PDGFC: variants seen among roughly 807,000 people sequenced by gnomAD.
PDGFC encodes the protein platelet derived growth factor C.
PDGFC carries 12 observed loss-of-function variants against 35.5 expected under a neutral mutation model. That is an observed-to-expected ratio of 0.34 (90% confidence interval 0.22 to 0.55). The LOEUF is 0.55. Among genes scored for constraint, PDGFC ranks in the 20% least tolerant of loss-of-function variants. The pLI, the probability that PDGFC is intolerant of heterozygous loss-of-function variation, is 0.91. For missense variants in PDGFC, 322 were observed against 412.4 expected, an observed-to-expected ratio of 0.78 and a Z score of 1.90; for synonymous variants, 159 against 148.8, an observed-to-expected ratio of 1.07 and a Z score of -0.50.
chr4:156,932,912 G>A, intron 1 of PDGFC, among the ~76,000 whole-genome samples: 1 of 151,478 alleles, frequency 6.6e-6, no homozygotes, highest in East Asian at 1.9e-4. Context: ...AAAAAAAGAA[G>A]TTTCTAACAC....
intron 3 of PDGFC, among the ~76,000 whole-genome samples, chr4:156,806,489 T>G (rs1731774788): frequency 6.6e-6 from 1 of 152,046 alleles, no homozygotes; most frequent in Admixed American, 6.6e-5. Flanking sequence ...TCATTTTTCA[T>G]AATGTTAACC....
At chr4:156,823,268 G>A (rs1190791692) in intron 2 of PDGFC, among the ~76,000 whole-genome samples, 5 of 152,050 alleles carry the variant, frequency 3.3e-5, no homozygotes, top group Admixed American at 2.0e-4. Context: ...AAAATAAAAT[G>A]TGACTATTCA....
chr4:156,786,292 T>A (rs1411409307), intron 3 of PDGFC, among the ~76,000 whole-genome samples: 1 of 152,162 alleles, frequency 6.6e-6, no homozygotes, highest in South Asian at 2.1e-4. Flanking sequence ...ACATAAATAA[T>A]GCACATACAA....
chr4:156,828,974 A>G (rs1472931588), intron 2 of PDGFC, among the ~76,000 whole-genome samples: 1 of 152,206 alleles, frequency 6.6e-6, no homozygotes, highest in Non-Finnish European at 1.5e-5. Context: ...TTCTGTGGAA[A>G]CTAAACTATT....
At chr4:156,810,062 A>C (rs1731889299) in intron 3 of PDGFC, among the ~76,000 whole-genome samples, 1 of 151,926 alleles carries the variant, frequency 6.6e-6, no homozygotes, top group Admixed American at 6.6e-5. Context: ...GATACTGTAA[A>C]AGTATACTAA....
chr4:156,916,340 T>C (rs550554562), intron 1 of PDGFC, among the ~76,000 whole-genome samples: 1 of 152,308 alleles, frequency 6.6e-6, no homozygotes, highest in East Asian at 1.9e-4. Context: ...ATTAGTTGTT[T>C]ATGTCCCTCA....
chr4:156,906,157 T>G (rs1036440803), intron 1 of PDGFC, among the ~76,000 whole-genome samples: 3 of 152,156 alleles, frequency 2.0e-5, no homozygotes, highest in African/African-American at 7.2e-5. Flanking sequence ...AAGAATATTT[T>G]AAAAACAAGA....
chr4:156,934,869 C>T (rs758782308), intron 1 of PDGFC, among the ~76,000 whole-genome samples: 4 of 152,178 alleles, frequency 2.6e-5, no homozygotes, highest in Non-Finnish European at 5.9e-5. Flanking sequence ...TATTTTATCC[C>T]ACTGGAAGGT....
chr4:156,770,824 T>C (rs753479054), intron 4 of PDGFC, among the ~76,000 whole-genome samples: 7 of 152,186 alleles, frequency 4.6e-5, no homozygotes, highest in African/African-American at 7.2e-5. Context: ...AGTCCAAAGA[T>C]AGTCTATTAC....
chr4:156,927,870 A>G (rs543841626), intron 1 of PDGFC, among the ~76,000 whole-genome samples: 67 of 152,084 alleles, frequency 4.4e-4, no homozygotes, highest in Admixed American at 1.9e-3. Flanking sequence ...CCAATTTACT[A>G]TATTAGTCCA....
At chr4:156,931,700 T>C (rs981722967) in intron 1 of PDGFC, among the ~76,000 whole-genome samples, 5 of 152,310 alleles carry the variant, frequency 3.3e-5, no homozygotes, top group African/African-American at 1.2e-4. Flanking sequence ...CCCAGACATT[T>C]GCTATGTTAA....
chr4:156,914,491 C>T (rs1009710533), intron 1 of PDGFC, among the ~76,000 whole-genome samples: 1 of 152,200 alleles, frequency 6.6e-6, no homozygotes, highest in Non-Finnish European at 1.5e-5. Context: ...GTTACTTATA[C>T]TCCCTGGACT....
chr4:156,795,515 T>C (rs182921341), intron 3 of PDGFC, among the ~76,000 whole-genome samples: 19 of 151,794 alleles, frequency 1.3e-4, no homozygotes, highest in African/African-American at 3.6e-4. Context: ...AAATGATGAG[T>C]GGTAAAATTA....
chr4:156,897,092 T>A (rs2110744991), intron 1 of PDGFC, among the ~76,000 whole-genome samples: 1 of 152,266 alleles, frequency 6.6e-6, no homozygotes, highest in East Asian at 1.9e-4. Flanking sequence ...TACATACTTC[T>A]ATGTAAAATA....
chr4:156,840,655 G>T (rs904848346), intron 2 of PDGFC, among the ~76,000 whole-genome samples: 10 of 152,150 alleles, frequency 6.6e-5, no homozygotes, highest in African/African-American at 2.4e-4. Flanking sequence ...TCAACAGCTT[G>T]CACTGTGCAC....
At chr4:156,951,838 T>C (rs1732092369) in intron 1 of PDGFC, among the ~76,000 whole-genome samples, 2 of 151,704 alleles carry the variant, frequency 1.3e-5, no homozygotes, top group African/African-American at 4.8e-5. Flanking sequence ...GCCTCCAATA[T>C]GCTCCACATA....
chr4:156,857,943 A>C lies in PDGFC; in HGVS notation c.119-7527T>G, dbSNP rs187665729. ...GATCCGATCTCAAATAACACAATAA[A>C]ATCACTGCAACTCTAGGTTTCTCAG... On this transcript the variant is annotated intron_variant, in intron 1 of 5. Coordinates refer to ENST00000502773, the MANE Select transcript of PDGFC (RefSeq NM_016205.3). Among the ~76,000 whole-genome samples, 15 of 152,192 alleles carry C rather than the reference A, an allele frequency of 9.9e-5. No individual in the cohort carries two copies. In the East Asian group the frequency reaches 2.9e-3, roughly 29 times the overall value.
intron 2 of PDGFC, among the ~76,000 whole-genome samples, chr4:156,824,385 CACACACATATATAT>C (rs1296920805): frequency 3.7e-5 from 5 of 133,896 alleles, no homozygotes; most frequent in South Asian, 2.1e-4. Context: ...TACATACATA[CACACACATATATAT>C]ACACACATAT....
chr4:156,797,078 A>G (rs894167082), intron 3 of PDGFC, among the ~76,000 whole-genome samples: 2 of 151,978 alleles, frequency 1.3e-5, no homozygotes, highest in Non-Finnish European at 2.9e-5. Flanking sequence ...TCTACTAAAA[A>G]TACGAAAAGA....
Sources: allele counts gnomAD v4.1 joint callset (sites outside exome capture counted in the v4.1 genomes callset), GRCh38; gene constraint gnomAD v4.1.1; transcripts MANE v1.5; gene names NCBI Gene and HGNC (gene_info 2026-07-23, HGNC 2026-07-21).